Variants in TAS2R1 observed in about 807,000 individuals in gnomAD.
TAS2R1 encodes the protein taste receptor type 2 member 1.
For synonymous variants in TAS2R1, 141 were observed against 134.2 expected, an observed-to-expected ratio of 1.05 and a Z score of -0.35; for missense variants, 370 against 353.4, an observed-to-expected ratio of 1.05 and a Z score of -0.38.
chr5:9,831,017 T>C, the TAS2R1 span, among the ~76,000 whole-genome samples: 4 of 152,310 alleles, frequency 2.6e-5, no homozygotes, highest in South Asian at 2.1e-4. Flanking sequence ...TCTAAGTCCA[T>C]TGGGTGATTG....
At chr5:9,873,264 C>T in the TAS2R1 span, among the ~76,000 whole-genome samples, 10 of 152,098 alleles carry the variant, frequency 6.6e-5, no homozygotes, top group South Asian at 2.1e-4. Context: ...CTCTCTACGA[C>T]GGGCCCTGGG....
chr5:9,889,159 G>C, the TAS2R1 span, among the ~76,000 whole-genome samples: 1 of 152,224 alleles, frequency 6.6e-6, no homozygotes, highest in African/African-American at 2.4e-5. Flanking sequence ...GGCAGCTACT[G>C]AAAGGGGGTC....
intron 2 of TAS2R1, among the ~76,000 whole-genome samples, chr5:9,635,596 T>G (rs913217046): frequency 1.9e-4 from 27 of 144,860 alleles, no homozygotes; most frequent in African/African-American, 6.2e-4. Context: ...TTGTTGTGAT[T>G]TTTTTTTTTT....
chr5:9,833,213 T>C, the TAS2R1 span, among the ~76,000 whole-genome samples: 3 of 152,240 alleles, frequency 2.0e-5, no homozygotes, highest in Non-Finnish European at 4.4e-5. Context: ...GAGTTCTGTC[T>C]GTCCTTTGTC....
At chr5:9,740,872 C>T in the TAS2R1 span, among the ~76,000 whole-genome samples, 1 of 152,172 alleles carries the variant, frequency 6.6e-6, no homozygotes, top group Non-Finnish European at 1.5e-5. Context: ...CACTCAAAAG[C>T]TCCTAAGTTA....
At chr5:9,716,636 G>A (rs553363633), upstream of TAS2R1, among the ~76,000 whole-genome samples, 50 of 151,810 alleles carry the variant, frequency 3.3e-4, no homozygotes, top group African/African-American at 1.2e-3. Context: ...CCCCATTTCT[G>A]CTCTCAAAAT....
upstream of TAS2R1, chr5:9,713,870 A>G (rs1169606123): frequency 6.6e-6 from 1 of 152,258 alleles, no homozygotes; most frequent in Non-Finnish European, 1.5e-5. Flanking sequence ...AAAGTAGAAC[A>G]ATTAAAAAAC....
chr5:9,855,377 T>G, the TAS2R1 span, among the ~76,000 whole-genome samples: 1 of 152,288 alleles, frequency 6.6e-6, no homozygotes, highest in South Asian at 2.1e-4. Context: ...CAATAGGAAA[T>G]AAGTTTAAAG....
intron 1 of TAS2R1, among the ~76,000 whole-genome samples, chr5:9,660,723 A>G (rs1426610473): frequency 6.6e-6 from 1 of 152,194 alleles, no homozygotes; most frequent in Non-Finnish European, 1.5e-5. Flanking sequence ...ATGGGAAAAA[A>G]ATGACCCTTG....
the TAS2R1 span, among the ~76,000 whole-genome samples, chr5:9,776,001 G>T: frequency 6.6e-6 from 1 of 152,200 alleles, no homozygotes; most frequent in South Asian, 2.1e-4. Context: ...CACTGACTGT[G>T]AGCCCTGGAC....
the TAS2R1 span, among the ~76,000 whole-genome samples, chr5:9,720,166 T>A: frequency 6.6e-6 from 1 of 152,334 alleles, no homozygotes; most frequent in Non-Finnish European, 1.5e-5. Context: ...AATAGTTGAT[T>A]ATTAAAAATT....
chr5:9,886,809 C>T, the TAS2R1 span, among the ~76,000 whole-genome samples: 2 of 151,986 alleles, frequency 1.3e-5, no homozygotes, highest in Admixed American at 6.6e-5. Context: ...AATCTGTACA[C>T]CAAACCCCCA....
chr5:9,854,484 C>G, the TAS2R1 span: 1 of 152,248 alleles, frequency 6.6e-6, no homozygotes, highest in African/African-American at 2.4e-5. Flanking sequence ...GTAGCGTCTT[C>G]TTCAGGCTAA....
chr5:9,660,371 C>T (rs1005116125), intron 1 of TAS2R1, among the ~76,000 whole-genome samples: 42 of 151,806 alleles, frequency 2.8e-4, no homozygotes, highest in Non-Finnish European at 4.3e-4. Context: ...CCACCACGCC[C>T]GGCCTGAAAT....
the TAS2R1 span, among the ~76,000 whole-genome samples, chr5:9,868,737 C>T: frequency 6.6e-6 from 1 of 152,218 alleles, no homozygotes; most frequent in Non-Finnish European, 1.5e-5. Flanking sequence ...CATCATTAGG[C>T]TGCAAAATTT....
the TAS2R1 span, among the ~76,000 whole-genome samples, chr5:9,781,722 G>T: frequency 6.6e-6 from 1 of 152,156 alleles, no homozygotes; most frequent in African/African-American, 2.4e-5. Context: ...CTCTGCCTGG[G>T]ATCTGCTTCT....
At chr5:9,640,366 T>C (rs1740045631) in intron 2 of TAS2R1, among the ~76,000 whole-genome samples, 1 of 150,926 alleles carries the variant, frequency 6.6e-6, no homozygotes, top group Non-Finnish European at 1.5e-5. Flanking sequence ...GATACAAAAA[T>C]AATAAAAAAA....
chr5:9,736,020 C>T, the TAS2R1 span, among the ~76,000 whole-genome samples: 4 of 152,206 alleles, frequency 2.6e-5, no homozygotes, highest in Non-Finnish European at 1.5e-5. Flanking sequence ...TTTTCTTACA[C>T]TTGCTGTTAC....
chr5:9,845,197 G>A, the TAS2R1 span, among the ~76,000 whole-genome samples: 1 of 152,082 alleles, frequency 6.6e-6, no homozygotes, highest in Non-Finnish European at 1.5e-5. Context: ...GGAAGAAAGA[G>A]ATCTTTCTCT....
Sources: gnomAD v4.1 joint callset for allele counts (sites outside exome capture counted in the v4.1 genomes callset) on GRCh38, gnomAD v4.1.1 for gene constraint, MANE v1.5 for transcripts, NCBI Gene and HGNC (gene_info 2026-07-23, HGNC 2026-07-21) for gene names.